Variants in ATF3 observed in about 807,000 individuals in gnomAD.
The protein encoded by ATF3 is activating transcription factor 3.
Under a neutral mutation model 18.4 loss-of-function variants are expected in ATF3, and 10 were observed. That is an observed-to-expected ratio of 0.54 (90% confidence interval 0.34 to 0.92). The LOEUF is 0.92. Among genes scored for constraint, ATF3 ranks in the 40% least tolerant of loss-of-function variants. ATF3 has a pLI of 0.02. For missense variants in ATF3, 183 were observed against 222.3 expected (o/e 0.82, Z 1.12); for synonymous variants, 78 against 87.9 (o/e 0.89, Z 0.63).
intron 1 of ATF3, among the ~76,000 whole-genome samples, chr1:212,611,823 A>G (rs1654905143): frequency 6.6e-6 from 1 of 152,244 alleles, no homozygotes; most frequent in African/African-American, 2.4e-5. Flanking sequence ...TGCCAATGAT[A>G]CAACATGATT....
At chr1:212,589,972 A>G (rs1313117263) in intron 1 of ATF3, among the ~76,000 whole-genome samples, 2 of 152,206 alleles carry the variant, frequency 1.3e-5, no homozygotes, top group Non-Finnish European at 2.9e-5. Context: ...GAAGCTGAGT[A>G]AACTATAACT....
chr1:212,591,670 C>A (rs6656681), intron 1 of ATF3, among the ~76,000 whole-genome samples: 9,608 of 152,102 alleles, frequency 0.063, 1,061 homozygotes, highest in African/African-American at 0.22. Flanking sequence ...ACTTTTTAAT[C>A]ATGGGAATTT....
At chr1:212,594,930 T>A in intron 1 of ATF3, among the ~76,000 whole-genome samples, 1 of 152,210 alleles carries the variant, frequency 6.6e-6, no homozygotes, top group East Asian at 1.9e-4. Context: ...ACTGAATACA[T>A]GTGCAGGGGC....
At chr1:212,591,542 C>T (rs1664885085) in intron 1 of ATF3, among the ~76,000 whole-genome samples, 1 of 152,144 alleles carries the variant, frequency 6.6e-6, no homozygotes, top group South Asian at 2.1e-4. Flanking sequence ...TCTCCATCCC[C>T]CCCGCCCCAG....
At chr1:212,573,054 T>C (rs1449212911) in intron 1 of ATF3, among the ~76,000 whole-genome samples, 1 of 152,168 alleles carries the variant, frequency 6.6e-6, no homozygotes, top group Non-Finnish European at 1.5e-5. Context: ...TGTAATTATA[T>C]CATGTACAAG....
At chr1:212,585,340 T>C (rs1198697737) in intron 1 of ATF3, among the ~76,000 whole-genome samples, 1 of 152,158 alleles carries the variant, frequency 6.6e-6, no homozygotes, top group Non-Finnish European at 1.5e-5. Context: ...CGAACTTCCT[T>C]CAGTTCATCA....
In ATF3 at chr1:212,588,456, G is replaced by C. The variant is rs562694574; in HGVS notation, c.-5+22973G>C. Among the ~76,000 whole-genome samples the C allele has an allele frequency of 2.0e-5, 3 of 152,142 alleles. No homozygotes were observed. In the East Asian group the frequency reaches 5.8e-4, roughly 29 times the overall value. The stretch of plus-strand genomic sequence containing the variant: ...AATTCATTTCACACAAAGAGCTTTG[G>C]AGTCTCTTTTTAGCGCCTCATGCCT... On this transcript the variant is annotated intron_variant, in intron 1 of 3. Transcript: ENST00000366981.
intron 1 of ATF3, among the ~76,000 whole-genome samples, chr1:212,599,279 T>C (rs1428706213): frequency 6.6e-6 from 1 of 152,244 alleles, no homozygotes; most frequent in East Asian, 1.9e-4. Context: ...AAAAGACTTG[T>C]TTAAATAAGT....
At chr1:212,575,132 C>T (rs917472781) in intron 1 of ATF3, among the ~76,000 whole-genome samples, 1 of 151,990 alleles carries the variant, frequency 6.6e-6, no homozygotes, top group Non-Finnish European at 1.5e-5. Flanking sequence ...AGAGGTGCCA[C>T]CAAGATGACT....
intron 1 of ATF3, among the ~76,000 whole-genome samples, chr1:212,592,880 G>A (rs1417966707): frequency 6.6e-6 from 1 of 152,044 alleles, no homozygotes; most frequent in Non-Finnish European, 1.5e-5. Context: ...GGTAAGAGTG[G>A]CAATTCCTCA....
chr1:212,615,564 C>CT (rs1160643079), intron 2 of ATF3, among the ~76,000 whole-genome samples: 1 of 151,886 alleles, frequency 6.6e-6, no homozygotes, highest in Non-Finnish European at 1.5e-5. Context: ...AATCCCAGCA[C>CT]TTTGAGAGGC....
intron 1 of ATF3, among the ~76,000 whole-genome samples, chr1:212,603,731 G>T (rs2102643167): frequency 6.6e-6 from 1 of 151,704 alleles, no homozygotes; most frequent in Middle Eastern, 3.4e-3. Flanking sequence ...TTCTTGAGTG[G>T]TGAGTTCCTA....
chr1:212,594,160 G>A (rs1445905300), intron 1 of ATF3, among the ~76,000 whole-genome samples: 2 of 152,142 alleles, frequency 1.3e-5, no homozygotes, highest in East Asian at 1.9e-4. Flanking sequence ...CCTCCAGTTC[G>A]GGGCTCGGTG....
chr1:212,597,453 T>C (rs996596117), intron 1 of ATF3, among the ~76,000 whole-genome samples: 1 of 144,714 alleles, frequency 6.9e-6, no homozygotes, highest in Non-Finnish European at 1.5e-5. Context: ...CTATCTATCA[T>C]CTATCTCTCT....
At chr1:212,616,878 C>T (rs1441014929) in intron 2 of ATF3, among the ~76,000 whole-genome samples, 2 of 152,060 alleles carry the variant, frequency 1.3e-5, no homozygotes, top group African/African-American at 4.8e-5. Context: ...AAGAATGGAG[C>T]GTCCATTTGC....
intron 1 of ATF3, among the ~76,000 whole-genome samples, chr1:212,603,380 G>A (rs1004261198): frequency 6.6e-6 from 1 of 152,204 alleles, no homozygotes. Flanking sequence ...AGCGCCTGCA[G>A]GATTTTTTGT....
intron 1 of ATF3, among the ~76,000 whole-genome samples, chr1:212,612,585 A>G (rs1654940073): frequency 6.6e-6 from 1 of 152,220 alleles, no homozygotes; most frequent in Admixed American, 6.5e-5. Context: ...ATTGCCTGAC[A>G]GCGACAAGTA....
intron 2 of ATF3, among the ~76,000 whole-genome samples, chr1:212,617,032 G>C (rs1279075068): frequency 6.6e-6 from 1 of 152,136 alleles, no homozygotes; most frequent in African/African-American, 2.4e-5. Context: ...AGAGATAATA[G>C]AGTTGGAAAT....
intron 1 of ATF3, among the ~76,000 whole-genome samples, chr1:212,611,793 T>G (rs971754495): frequency 2.6e-5 from 4 of 152,248 alleles, no homozygotes; most frequent in African/African-American, 9.6e-5. Context: ...AAACTTTCAC[T>G]TTCTTGAAAA....
Sources: allele counts gnomAD v4.1 joint callset (sites outside exome capture counted in the v4.1 genomes callset), GRCh38; gene constraint gnomAD v4.1.1; transcripts MANE v1.5; gene names NCBI Gene and HGNC (gene_info 2026-07-23, HGNC 2026-07-21).